AGBL4: variants seen among roughly 807,000 people sequenced by gnomAD.
AGBL4 encodes cytosolic carboxypeptidase 6.
Under a neutral mutation model 66.4 loss-of-function variants are expected in AGBL4, and 58 were observed. That is an observed-to-expected ratio of 0.87 (90% CI 0.71 to 1.09). AGBL4 has a LOEUF of 1.09. AGBL4 is among the 50% of genes least tolerant of loss of function. The pLI is 0.00. For synonymous variants in AGBL4, 234 were observed against 222.9 expected, an observed-to-expected ratio of 1.05 and a Z score of -0.44; for missense variants, 579 against 631.0, an observed-to-expected ratio of 0.92 and a Z score of 0.88.
At chr1:49,403,046 C>T in intron 3 of AGBL4, among the ~76,000 whole-genome samples, 1 of 152,106 alleles carries the variant, frequency 6.6e-6, no homozygotes, top group East Asian at 1.9e-4. Flanking sequence ...TGTTGATTTT[C>T]TGTCTGGGTG....
chr1:49,093,784 T>G (rs1645042003), intron 4 of AGBL4, among the ~76,000 whole-genome samples: 1 of 152,200 alleles, frequency 6.6e-6, no homozygotes, highest in South Asian at 2.1e-4. Context: ...CTTTGGCTTG[T>G]TATAAGAAAG....
chr1:49,264,841 G>C (rs528509353), intron 3 of AGBL4, among the ~76,000 whole-genome samples: 1 of 152,058 alleles, frequency 6.6e-6, no homozygotes. Flanking sequence ...CACCACGCCC[G>C]GCCCTCCCAA....
chr1:49,274,698 A>G (rs1429301876), intron 3 of AGBL4, among the ~76,000 whole-genome samples: 1 of 152,142 alleles, frequency 6.6e-6, no homozygotes, highest in African/African-American at 2.4e-5. Context: ...CATGCTTCTG[A>G]TAACTTTAGA....
At chr1:49,731,883 C>A (rs1649482082) in intron 2 of AGBL4, among the ~76,000 whole-genome samples, 1 of 152,048 alleles carries the variant, frequency 6.6e-6, no homozygotes, top group African/African-American at 2.4e-5. Context: ...ATACAAAAAT[C>A]AGAGAAGGAT....
chr1:48,836,812 G>A (rs1439391853), intron 6 of AGBL4, among the ~76,000 whole-genome samples: 1 of 152,028 alleles, frequency 6.6e-6, no homozygotes, highest in Non-Finnish European at 1.5e-5. Flanking sequence ...ATAAATGTCA[G>A]TGTTTAAATA....
chr1:49,946,263 T>G (rs774876649), intron 1 of AGBL4, among the ~76,000 whole-genome samples: 1 of 152,006 alleles, frequency 6.6e-6, no homozygotes, highest in South Asian at 2.1e-4. Context: ...ATAGATTCTA[T>G]TCATCATTGC....
At chr1:49,200,821 C>T (rs1175950118) in intron 4 of AGBL4, among the ~76,000 whole-genome samples, 1 of 152,150 alleles carries the variant, frequency 6.6e-6, no homozygotes, top group African/African-American at 2.4e-5. Flanking sequence ...ATTACATAGG[C>T]ATGATTGATT....
chr1:49,848,687 G>T lies in AGBL4; in HGVS notation c.157+2709C>A, dbSNP rs1469195949. Among the ~76,000 whole-genome samples, 3 of 152,086 alleles carry T rather than the reference G, an allele frequency of 2.0e-5. No individual in the cohort carries two copies. In the East Asian group the frequency reaches 5.8e-4, roughly 29 times the overall value. On this transcript the variant is annotated intron_variant, in intron 2 of 13. Coordinates refer to ENST00000371839, the MANE Select transcript of AGBL4 (RefSeq NM_032785.4). ...GGAGGGGTCAGGGAATGAGAGATGA[G>T]AAATTATTTAGTCGGTACAATGTAT...
chr1:48,612,702 C>A (rs1160245656), intron 9 of AGBL4, among the ~76,000 whole-genome samples: 3 of 152,166 alleles, frequency 2.0e-5, no homozygotes, highest in Admixed American at 6.5e-5. Flanking sequence ...AACAGAAATA[C>A]ACTATAAATA....
intron 1 of AGBL4, among the ~76,000 whole-genome samples, chr1:49,880,842 G>C: frequency 6.6e-6 from 1 of 152,022 alleles, no homozygotes; most frequent in Non-Finnish European, 1.5e-5. Flanking sequence ...TCCGAGCCAG[G>C]TGTGGGATAT....
chr1:48,872,847 G>A (rs1372612952), intron 5 of AGBL4, among the ~76,000 whole-genome samples: 1 of 152,112 alleles, frequency 6.6e-6, no homozygotes, highest in African/African-American at 2.4e-5. Flanking sequence ...ACCCCCAGGG[G>A]CCTAACAGGA....
chr1:49,832,047 C>G (rs930373422), intron 2 of AGBL4, among the ~76,000 whole-genome samples: 5 of 151,074 alleles, frequency 3.3e-5, no homozygotes, highest in African/African-American at 1.2e-4. Context: ...GCACAATGTG[C>G]AGGTTAGTTA....
chr1:49,884,406 C>A (rs571917648), intron 1 of AGBL4, among the ~76,000 whole-genome samples: 79 of 151,396 alleles, frequency 5.2e-4, no homozygotes, highest in African/African-American at 1.9e-3. Flanking sequence ...TATTAAGACA[C>A]CTGTATATTA....
At chr1:49,832,851 T>C (rs1240520714) in intron 2 of AGBL4, among the ~76,000 whole-genome samples, 2 of 152,202 alleles carry the variant, frequency 1.3e-5, no homozygotes, top group African/African-American at 2.4e-5. Flanking sequence ...GTTGTTTTTT[T>C]CTTATAAATT....
intron 12 of AGBL4, among the ~76,000 whole-genome samples, chr1:48,539,430 C>A (rs1004485153): frequency 6.6e-6 from 1 of 152,088 alleles, no homozygotes; most frequent in African/African-American, 2.4e-5. Flanking sequence ...GAAATGTGAC[C>A]ATGCCCTCAC....
intron 1 of AGBL4, among the ~76,000 whole-genome samples, chr1:49,950,068 A>ATGTG (rs1655979273): frequency 7.0e-6 from 1 of 142,130 alleles, no homozygotes; most frequent in Non-Finnish European, 1.5e-5. Context: ...ATACACACAT[A>ATGTG]TATATACACA....
chr1:49,845,139 G>C lies in AGBL4; in HGVS notation c.157+6257C>G, dbSNP rs570148446. ...CAGCACTTACCCAACACCACCGTAC[G>C]CATACAGGACAGAGACCTTATGAAT... is the stretch of plus-strand genomic sequence containing the variant. On this transcript the variant is annotated intron_variant, in intron 2 of 13. Transcript: ENST00000371839. 3.6e-6 allele frequency: 5 copies of C among 1,396,586 alleles called. No individual in the cohort carries two copies. The South Asian group carries it at 5.8e-5, about 16-fold the overall frequency. 86.5% of individuals were successfully genotyped at this position (1,396,586 alleles called of 1,614,324 possible).
chr1:49,735,835 A>G (rs1649840577), intron 2 of AGBL4, among the ~76,000 whole-genome samples: 1 of 152,142 alleles, frequency 6.6e-6, no homozygotes, highest in South Asian at 2.1e-4. Flanking sequence ...AGAAGTATAA[A>G]GACAGAGTAT....
chr1:50,013,011 A>T (rs960530672), intron 1 of AGBL4, among the ~76,000 whole-genome samples: 1 of 152,182 alleles, frequency 6.6e-6, no homozygotes, highest in African/African-American at 2.4e-5. Context: ...TTGTCTCAGA[A>T]TATAACCACT....
Sources: gnomAD v4.1 joint callset for allele counts (sites outside exome capture counted in the v4.1 genomes callset) on GRCh38, gnomAD v4.1.1 for gene constraint, MANE v1.5 for transcripts, NCBI Gene and HGNC (gene_info 2026-07-23, HGNC 2026-07-21) for gene names.